MINDY1: variants seen among roughly 807,000 people sequenced by gnomAD.
MINDY1 encodes MINDY lysine 48 deubiquitinase 1.
In MINDY1, 50 loss-of-function variants were observed where a neutral mutation model predicts 53.6. The observed-to-expected ratio is 0.93, with a 90% CI of 0.74 to 1.18. MINDY1 has a LOEUF of 1.18. Ranked by LOEUF, MINDY1 falls within the 50% of genes most tolerant of loss-of-function variation. The pLI is 0.00. For synonymous variants in MINDY1, 231 were observed against 234.7 expected, an observed-to-expected ratio of 0.98 and a Z score of 0.14; for missense variants, 484 against 578.6, an observed-to-expected ratio of 0.84 and a Z score of 1.68.
At chr1:151,005,607 TGAG>T (rs1673102309) in intron 1 of MINDY1, among the ~76,000 whole-genome samples, 4 of 152,030 alleles carry the variant, frequency 2.6e-5, no homozygotes, top group Non-Finnish European at 5.9e-5. Context: ...AGTGGACACC[TGAG>T]GGAGTGGGGT....
rs1300071495 is a variant in MINDY1 at position 151,006,067 on chromosome 1, A to C, written c.-90+245T>G. The C allele has an allele frequency of 2.6e-6, 4 of 1,550,226 alleles. No homozygotes were observed. The South Asian group carries it at 3.6e-5, about 14-fold the overall frequency. ...TTAGATTTTCATCTCAGAATATGTC[A>C]ACCATGGCCACAGTGCCCTGTATAC... On this transcript the variant is annotated intron_variant, in intron 1 of 9. Coordinates refer to ENST00000683666, the MANE Select transcript of MINDY1 (RefSeq NM_001376665.1).
chr1:150,999,069 A>G lies in MINDY1; in HGVS notation c.981+300T>C, dbSNP rs587696384. ...CAGAAATGACATGTGTCATTTCCAA[A>G]CAGAAGCTCTAAGCATGAGTGCACA... is the stretch of plus-strand genomic sequence containing the variant. On this transcript the variant is annotated intron_variant, in intron 7 of 9. Transcript: ENST00000683666. The surrounding 1 kb of genome is among the most constrained non-coding windows in gnomAD (Gnocchi z 4.4). Among the ~76,000 whole-genome samples the G allele has an allele frequency of 1.3e-5, 2 of 152,212 alleles. No homozygotes were observed. The highest frequency in any genetic ancestry group is 3.9e-4 in the East Asian group (2 of 5,180).
Position 151,001,784 on chromosome 1 carries a change from T to A in MINDY1, c.454-2A>T. On this transcript the variant is annotated splice_acceptor_variant, in intron 2 of 9. Coordinates refer to ENST00000683666, the MANE Select transcript of MINDY1 (RefSeq NM_001376665.1). LOFTEE classifies it high-confidence loss of function. The stretch of plus-strand genomic sequence containing the variant: ...TTCCTTCTGCGGGGGGAGCTTCACC[T>A]GGAGGCAGAAGGGGTGATCACGTGT... The A allele has an allele frequency of 6.3e-7, 1 of 1,596,180 alleles. No individual in the cohort carries two copies. Among genetic ancestry groups the A allele is most frequent in the Non-Finnish European group, 8.5e-7 (1 of 1,174,644 alleles).
chr1:151,006,910 ATAGGGAAGAGCAAGTGCCCTTGCTAAG>A (rs1456881682), upstream of MINDY1: 1 of 985,284 alleles, frequency 1.0e-6, no homozygotes, highest in Non-Finnish European at 1.2e-6. Context: ...TCTGGTGAGA[ATAGGGAAGAGCAAGTGCCCTTGCTAAG>A]TAGGGAGGAG....
At position 151,002,829 on chromosome 1, in the gene MINDY1, T is replaced by A; in HGVS notation, c.-89-123A>T. The A allele has an allele frequency of 6.9e-7, 1 of 1,448,788 alleles. No homozygotes were observed. The allele number at this position is 1,448,788 out of a possible 1,614,324, so 89.7% of individuals were successfully genotyped here. A position where few individuals can be genotyped will look rare whatever the true frequency, so the allele number is the denominator to read the frequency against. On this transcript the variant is annotated intron_variant, in intron 1 of 9. Coordinates refer to ENST00000683666, the MANE Select transcript of MINDY1 (RefSeq NM_001376665.1). The surrounding 1 kb of genome is among the most constrained non-coding windows in gnomAD (Gnocchi z 4.1). ...CAGTAACTCCTGGCTATGGGCAGTA[T>A]ATGTGTAAACAGAAGGGCCCCGTGC...
intron 2 of MINDY1, 129 bp from the exon 3 acceptor site, chr1:151,001,911 G>A (rs1168886985): frequency 1.2e-5 from 12 of 998,160 alleles, no homozygotes; most frequent in Non-Finnish European, 1.7e-5. Flanking sequence ...ACTGGCACAA[G>A]GGAATGAATG....
At chr1:151,007,498 G>A (rs764156006), upstream of MINDY1, among the ~76,000 whole-genome samples, 1 of 152,082 alleles carries the variant, frequency 6.6e-6, no homozygotes, top group Non-Finnish European at 1.5e-5. Flanking sequence ...GCAAGACTCC[G>A]TCTCAAAAAG....
chr1:151,008,347 A>C, upstream of MINDY1: 3 of 1,302,710 alleles, frequency 2.3e-6, no homozygotes, highest in Non-Finnish European at 3.0e-6. Flanking sequence ...ACGTCGCCCC[A>C]CGCCACGCCC....
At chr1:150,997,898 C>A in intron 8 of MINDY1, 119 bp from the exon 9 acceptor site, 1 of 1,208,100 alleles carries the variant, frequency 8.3e-7, no homozygotes, top group Non-Finnish European at 1.1e-6. Flanking sequence ...CCCCACAGAG[C>A]AGCACACACA....
At chr1:151,001,558 C>T (rs1672574474) in intron 3 of MINDY1, among the ~76,000 whole-genome samples, 167 bp downstream of exon 3, 1 of 152,216 alleles carries the variant, frequency 6.6e-6, no homozygotes, top group African/African-American at 2.4e-5. Flanking sequence ...GGACTCCCGA[C>T]GCCTTTGCTT....
rs147548942 is a variant in MINDY1 at position 150,996,984 on chromosome 1, A to T, written c.*303T>A. ...CAGGGATGGGAAGCAGAAGAGATGC[A>T]TTCTGGATAGGGACCTCACCCCAGA... On this transcript the variant is annotated 3_prime_UTR_variant, in exon 10 of 10. Transcript: ENST00000683666. 7.1e-5 allele frequency: 28 copies of T among 396,702 alleles called. No homozygotes were observed. The East Asian group carries it at 1.1e-3, about 16-fold the overall frequency. The allele number at this position is 396,702 out of a possible 1,614,324, so 24.6% of individuals were successfully genotyped here. A position where few individuals can be genotyped will look rare whatever the true frequency, so the allele number is the denominator to read the frequency against.
chr1:151,000,687 T>G (rs1672458279), intron 4 of MINDY1, 72 bp from the exon 5 acceptor site: 1 of 1,502,186 alleles, frequency 6.7e-7, no homozygotes, highest in Admixed American at 2.2e-5. Flanking sequence ...CTGCAGAAAT[T>G]AAAAATTAAC....
In MINDY1 at chr1:151,002,736, G is replaced by T. The variant is rs772832638; in HGVS notation, c.-89-30C>A. The T allele has an allele frequency of 1.2e-5, 19 of 1,535,428 alleles. No homozygotes were observed. Among genetic ancestry groups the T allele is most frequent in the Non-Finnish European group, 1.7e-5 (19 of 1,139,708 alleles). ...CCAATAAGAAGGAAATCAGTGGGCTGGAAAGCAAACTAACCCAGAAAAGTC... is the reference window on the plus strand; with the variant it reads ...CCAATAAGAAGGAAATCAGTGGGCTTGAAAGCAAACTAACCCAGAAAAGTC... On this transcript the variant is annotated intron_variant, in intron 1 of 9. Coordinates refer to ENST00000683666, the MANE Select transcript of MINDY1 (RefSeq NM_001376665.1). This position sits in a 1 kb window ranked among gnomAD's most constrained non-coding sequence, Gnocchi z 4.1.
chr1:151,001,078 C>T (rs1293044018), intron 4 of MINDY1, among the ~76,000 whole-genome samples, 172 bp downstream of exon 4: 2 of 152,082 alleles, frequency 1.3e-5, no homozygotes, highest in Non-Finnish European at 2.9e-5. Context: ...GGTGTGAGCA[C>T]CCGGCCAATG....
chr1:151,000,015 CT>C lies in MINDY1; in HGVS notation c.736-52del, dbSNP rs779677486. On this transcript the variant is annotated intron_variant, in intron 5 of 9. Transcript: ENST00000683666. ...ACCAAAAAAATTGGGATTTTTTTTTCTTTTTTAAGGAAGGAAATGAACAAAG... is the reference window on the plus strand; with the variant it reads ...ACCAAAAAAATTGGGATTTTTTTTTCTTTTTAAGGAAGGAAATGAACAAAG... 4.3e-6 allele frequency: 6 copies of C among 1,380,096 alleles called. No homozygotes were observed. The South Asian group carries it at 7.1e-5, about 16-fold the overall frequency. The allele number at this position is 1,380,096 out of a possible 1,614,324, so 85.5% of individuals were successfully genotyped here. A position where few individuals can be genotyped will look rare whatever the true frequency, so the allele number is the denominator to read the frequency against.
chr1:150,999,840 A>G lies in MINDY1; in HGVS notation c.838+22T>C. The G allele has an allele frequency of 6.2e-7, 1 of 1,600,654 alleles. No individual in the cohort carries two copies. Among genetic ancestry groups the G allele is most frequent in the Non-Finnish European group, 8.6e-7 (1 of 1,167,988 alleles). On this transcript the variant is annotated intron_variant, in intron 6 of 9. Transcript: ENST00000683666. This position sits in a 1 kb window ranked among gnomAD's most constrained non-coding sequence, Gnocchi z 4.4. ...CTGTCATTCCCTCCACATACTATCCATGAGAAGGGGAGGAATGTCACCTTC... is the reference window on the plus strand; with the variant it reads ...CTGTCATTCCCTCCACATACTATCCGTGAGAAGGGGAGGAATGTCACCTTC...
At chr1:151,005,702 A>C (rs1023467471) in intron 1 of MINDY1, among the ~76,000 whole-genome samples, 1 of 152,154 alleles carries the variant, frequency 6.6e-6, no homozygotes, top group African/African-American at 2.4e-5. Context: ...TCTACTCTAC[A>C]ACGTCCAATC....
rs911946033 is a variant in MINDY1, at chr1:150,997,222, G to A, written c.*65C>T. ...CAGCACATCTCAGGGGTGGAGGCGG[G>A]GGAGCAAGCCAACTAGCCATAGCCT... On this transcript the variant is annotated 3_prime_UTR_variant, in exon 10 of 10. Transcript: ENST00000683666. 72 of 1,500,866 alleles carry A rather than the reference G, an allele frequency of 4.8e-5. No homozygotes were observed. The highest frequency in any genetic ancestry group is 6.2e-5 in the Non-Finnish European group (68 of 1,101,716). 93.0% of individuals were successfully genotyped at this position (1,500,866 alleles called of 1,614,324 possible).
At position 151,002,436 on chromosome 1, in the gene MINDY1, T is replaced by A; in HGVS notation, c.182A>T (p.Gln61Leu). The A allele has an allele frequency of 6.2e-7, 1 of 1,614,196 alleles. No homozygotes were observed. Among genetic ancestry groups the A allele is most frequent in the South Asian group, 1.1e-5 (1 of 91,090 alleles). The change falls in exon 2 of 10, where the codon CAG becomes CTG. Residue 61 changes from glutamine to leucine, a missense_variant. Gln to Leu is a moderately radical substitution (Grantham distance 113). Coordinates refer to ENST00000683666, the MANE Select transcript of MINDY1 (RefSeq NM_001376665.1). The surrounding 1 kb of genome is among the most constrained non-coding windows in gnomAD (Gnocchi z 4.1). ...EPADQALLPS[Q>L]CGDNLESPLP... ...AGGGGACTCAAGGTTGTCCCCACAC[T>A]GGCTAGGCAGCAAAGCTTGGTCTGC...
Sources: gnomAD v4.1 joint callset for allele counts (sites outside exome capture counted in the v4.1 genomes callset) on GRCh38, gnomAD v4.1.1 for gene constraint, Gnocchi (gnomAD v3.1) non-coding constraint, MANE v1.5 for transcripts, NCBI Gene and HGNC (gene_info 2026-07-23, HGNC 2026-07-21) for gene names.